The following NMI variants were observed in gnomAD, a reference collection of about 807,000 sequenced individuals.
NMI encodes the protein N-myc-interactor.
Under a neutral mutation model 34.3 loss-of-function variants are expected in NMI, and 39 were observed. That is an observed-to-expected ratio of 1.14 (90% CI 0.88 to 1.49). The LOEUF is 1.49. NMI is among the 40% of genes most tolerant of loss of function. NMI has a pLI of 0.00. For missense variants in NMI, 339 were observed against 358.1 expected, an observed-to-expected ratio of 0.95 and a Z score of 0.43; for synonymous variants, 113 against 120.3, an observed-to-expected ratio of 0.94 and a Z score of 0.40.
At chr2:151,274,110 A>C (rs923310865) in intron 6 of NMI, among the ~76,000 whole-genome samples, 1 of 151,850 alleles carries the variant, frequency 6.6e-6, no homozygotes, top group African/African-American at 2.4e-5. Context: ...TGGGAAGCCA[A>C]GGCGGGCGTA....
Position 151,275,830 on chromosome 2 carries a change from A to C in NMI, c.375T>G (p.His125Gln), listed in dbSNP as rs201716225. The C allele has an allele frequency of 4.3e-6, 7 of 1,610,900 alleles. No homozygotes were observed. The African/African-American group carries it at 9.3e-5, about 22-fold the overall frequency. ...AQNVVSMSKH[H>Q]VQIKDVNLEV... The stretch of plus-strand genomic sequence containing the variant: ...CCAGATTTACATCTTTTATCTGTAC[A>C]TGATGTTTACTCATGCTTACCACAT... The change falls in exon 5 of 8, where the codon CAT becomes CAG. Residue 125 changes from histidine to glutamine, a missense_variant. By Grantham distance (24) the His-to-Gln change is conservative. Transcript: ENST00000243346.
chr2:151,271,772 C>T, intron 6 of NMI, 40 bp from the exon 7 acceptor site: 3 of 988,382 alleles, frequency 3.0e-6, no homozygotes, highest in Non-Finnish European at 4.8e-6. Flanking sequence ...TTTTTTATAT[C>T]ATAAGCATTT....
rs372268328 is a variant in NMI, at chr2:151,275,538, C to T, written c.580G>A (p.Val194Met). 2.4e-5 allele frequency: 39 copies of T among 1,614,052 alleles called. No homozygotes were observed. Among genetic ancestry groups the T allele is most frequent in the African/African-American group, 5.3e-5 (4 of 74,926 alleles). The stretch of plus-strand genomic sequence containing the variant: ...CTCCCGGACTGTCTGTCATAGTCCA[C>T]GCGGTCCACCTCTCCGCCTCCATTT... Reference protein sequence around the residue: ...SRNGGGEVDRVDYDRQSGSAV... With the variant: ...SRNGGGEVDRMDYDRQSGSAV... Residue 194 changes from valine (V) to methionine (M), a missense_variant, in exon 6 of 8, where the codon GTG becomes ATG. Coordinates refer to ENST00000243346, the MANE Select transcript of NMI (RefSeq NM_004688.3).
Position 151,278,855 on chromosome 2 carries a change from C to T in NMI, c.313G>A (p.Ala105Thr), listed in dbSNP as rs142264945. Residue 105 changes from alanine (A) to threonine (T), a missense_variant, in exon 4 of 8, where the codon GCA (alanine) becomes ACA (threonine). Transcript: ENST00000243346. ...TCTTCTTTTTCAAAGGTGATAAGTG[C>T]TTGTCCTTTTTGTATCTCATAAGGA... ...KVPYEIQKGQ[A>T]LITFEKEEVA... 5.3e-5 allele frequency: 85 copies of T among 1,613,294 alleles called. No homozygotes were observed. In the African/African-American group the frequency reaches 1.0e-3, roughly 20 times the overall value.
chr2:151,272,049 T>C (rs1341786950), intron 6 of NMI, among the ~76,000 whole-genome samples: 2 of 152,202 alleles, frequency 1.3e-5, no homozygotes, highest in African/African-American at 4.8e-5. Context: ...TTGCAGAAAG[T>C]AACCCACTCA....
intron 1 of NMI, among the ~76,000 whole-genome samples, chr2:151,284,201 CA>C (rs930782317): frequency 2.0e-5 from 3 of 151,956 alleles, no homozygotes; most frequent in African/African-American, 7.2e-5. Flanking sequence ...ACTAAAAATA[CA>C]AAAAAAATTA....
Position 151,275,562 on chromosome 2 carries a change from T to C in NMI, c.556A>G (p.Asn186Asp), listed in dbSNP as rs535520274. 7 of 1,614,164 alleles carry C rather than the reference T, an allele frequency of 4.3e-6. No homozygotes were observed. In the East Asian group the frequency reaches 1.3e-4, roughly 31 times the overall value. Residue 186 changes from asparagine to aspartate, a missense_variant, in exon 6 of 8, where the codon AAT becomes GAT. Asn to Asp is a conservative substitution (Grantham distance 23). Transcript: ENST00000243346. ...KLELSFSKSRNGGGEVDRVDY... is the reference protein window; with the variant it reads ...KLELSFSKSRDGGGEVDRVDY... ...ACGCGGTCCACCTCTCCGCCTCCAT[T>C]TCGGGACTTTGAAAAGCTCAGCTCT...
At position 151,278,910 on chromosome 2, in the gene NMI, G is replaced by A. The variant is rs965237471; in HGVS notation, c.258C>T (p.Ile86=). 6.2e-7 allele frequency: 1 copy of A among 1,612,232 alleles called. No individual in the cohort carries two copies. The highest frequency in any genetic ancestry group is 1.3e-5 in the African/African-American group (1 of 74,892). Residue 86 remains isoleucine (I), a synonymous_variant, in exon 4 of 8, where the codon ATC becomes ATT. Coordinates refer to ENST00000243346, the MANE Select transcript of NMI (RefSeq NM_004688.3). ...TCGAGCTCACTTGAAACGAACAGGA[G>A]ATATTTGACAACTGGCTGTCATTCT... is the stretch of plus-strand genomic sequence containing the variant. The part of the protein sequence containing the change: ...TPENDSQLSN[I]SCSFQVSSKV...
chr2:151,283,112 C>T (rs1272331232), intron 1 of NMI, among the ~76,000 whole-genome samples, 158 bp from the exon 2 acceptor site: 2 of 151,934 alleles, frequency 1.3e-5, no homozygotes, highest in Non-Finnish European at 2.9e-5. Flanking sequence ...TGGCTTATAT[C>T]CAAACAAAGT....
intron 7 of NMI, among the ~76,000 whole-genome samples, chr2:151,271,189 A>G (rs1292158025): frequency 6.6e-6 from 1 of 152,192 alleles, no homozygotes; most frequent in African/African-American, 2.4e-5. Context: ...TGAAGAGTTA[A>G]GTATGAGTTC....
At chr2:151,271,580 G>T (rs765804594) in intron 7 of NMI, 46 bp downstream of exon 7, 3 of 973,966 alleles carry the variant, frequency 3.1e-6, no homozygotes, top group South Asian at 2.7e-5. Flanking sequence ...TGTGGGGTGG[G>T]TTTGGGCAGT....
At chr2:151,287,777 T>A (rs531618745) in intron 1 of NMI, among the ~76,000 whole-genome samples, 2 of 152,190 alleles carry the variant, frequency 1.3e-5, no homozygotes, top group Non-Finnish European at 2.9e-5. Flanking sequence ...CCTGCAGACA[T>A]TCAGAGCACT....
intron 1 of NMI, 35 bp from the exon 2 acceptor site, chr2:151,282,989 C>T: frequency 1.0e-6 from 1 of 984,922 alleles, no homozygotes; most frequent in Non-Finnish European, 1.5e-6. Context: ...ATAAGCATAG[C>T]ATATATACAC....
At chr2:151,284,111 A>G (rs1441820016) in intron 1 of NMI, among the ~76,000 whole-genome samples, 1 of 152,088 alleles carries the variant, frequency 6.6e-6, no homozygotes, top group Non-Finnish European at 1.5e-5. Context: ...TAATCCCAGC[A>G]CTTTGGGAGG....
At chr2:151,276,772 G>C (rs1390273264) in intron 4 of NMI, among the ~76,000 whole-genome samples, 1 of 152,192 alleles carries the variant, frequency 6.6e-6, no homozygotes, top group Non-Finnish European at 1.5e-5. Flanking sequence ...GAACATCAAA[G>C]AGTGAGTCTT....
intron 3 of NMI, among the ~76,000 whole-genome samples, chr2:151,280,634 G>A (rs1344657234): frequency 6.6e-6 from 1 of 152,152 alleles, no homozygotes; most frequent in Non-Finnish European, 1.5e-5. Flanking sequence ...TCACAGGTTT[G>A]GTCCTCTGCA....
chr2:151,271,505 A>G (rs1182231534), intron 7 of NMI, 121 bp downstream of exon 7: 1 of 685,584 alleles, frequency 1.5e-6, no homozygotes, highest in Admixed American at 2.8e-5. Flanking sequence ...TGAAGTAAAG[A>G]AACCATTTTG....
chr2:151,288,430 C>G (rs2105214478), intron 1 of NMI, among the ~76,000 whole-genome samples: 1 of 152,252 alleles, frequency 6.6e-6, no homozygotes, highest in Admixed American at 6.5e-5. Flanking sequence ...GGTAGGTGGC[C>G]TCCGGAAGAT....
At chr2:151,271,977 C>T (rs888486865) in intron 6 of NMI, among the ~76,000 whole-genome samples, 9 of 152,178 alleles carry the variant, frequency 5.9e-5, no homozygotes, top group African/African-American at 2.2e-4. Context: ...TCAATCAATG[C>T]ACAAAGGGTT....
Sources: allele counts gnomAD v4.1 joint callset (sites outside exome capture counted in the v4.1 genomes callset), GRCh38; gene constraint gnomAD v4.1.1; transcripts MANE v1.5; gene names NCBI Gene and HGNC (gene_info 2026-07-23, HGNC 2026-07-21).